KCNN2: variants seen among roughly 807,000 people sequenced by gnomAD.
KCNN2 encodes the protein potassium calcium-activated channel subfamily N member 2.
In KCNN2, 24 loss-of-function variants were observed where a neutral mutation model predicts 55.5. The ratio of observed to expected loss-of-function variants is 0.43; its 90% confidence interval spans 0.31 to 0.61. KCNN2 has a LOEUF of 0.61. Among genes scored for constraint, KCNN2 ranks in the 20% least tolerant of loss-of-function variants. KCNN2 has a pLI of 0.08. For missense variants in KCNN2, 754 were observed against 853.6 expected (o/e 0.88, Z 1.45); for synonymous variants, 431 against 336.1 (o/e 1.28, Z -3.09).
chr5:114,124,463 G>T (rs1751891325), intron 1 of KCNN2, among the ~76,000 whole-genome samples: 1 of 152,122 alleles, frequency 6.6e-6, no homozygotes, highest in Non-Finnish European at 1.5e-5. Context: ...CAAAAACCAT[G>T]ATCTGCCCCC....
chr5:114,420,005 A>G (rs1412286116), intron 3 of KCNN2, among the ~76,000 whole-genome samples: 1 of 152,236 alleles, frequency 6.6e-6, no homozygotes, highest in Non-Finnish European at 1.5e-5. Context: ...CTCAAAACAA[A>G]GCTACCTTCT....
chr5:114,419,157 A>G (rs753593489), intron 3 of KCNN2, among the ~76,000 whole-genome samples: 1 of 152,276 alleles, frequency 6.6e-6, no homozygotes, highest in East Asian at 1.9e-4. Context: ...AATATTCTTT[A>G]TTAGTGTGGT....
intron 2 of KCNN2, among the ~76,000 whole-genome samples, chr5:114,263,060 A>G (rs907349240): frequency 6.6e-6 from 1 of 152,170 alleles, no homozygotes; most frequent in Admixed American, 6.5e-5. Context: ...GGACAACTGG[A>G]TCGAGGCCTG....
chr5:114,423,621 T>C (rs1298982577), intron 3 of KCNN2, among the ~76,000 whole-genome samples: 11 of 152,200 alleles, frequency 7.2e-5, no homozygotes, highest in Admixed American at 3.3e-4. Context: ...TATATTGGCA[T>C]TTCTTCTTGG....
In KCNN2 at chr5:114,451,712, T is replaced by A. The variant is rs577503307; in HGVS notation, c.1638-11337T>A. 5.9e-5 allele frequency among the ~76,000 whole-genome samples: 9 copies of A among 152,130 alleles called. No homozygotes were observed. The East Asian group carries it at 9.7e-4, about 16-fold the overall frequency. On this transcript the variant is annotated intron_variant, in intron 3 of 7. Transcript: ENST00000673685. ...GAGATCAAGACCATCCTGCCTAACA[T>A]GGTGAAACCCCATCTCTACTAAAAA...
chr5:114,429,866 A>G (rs1371717383), intron 3 of KCNN2, among the ~76,000 whole-genome samples: 1 of 115,218 alleles, frequency 8.7e-6, no homozygotes, highest in Non-Finnish European at 1.7e-5. Flanking sequence ...CTGTTGTTCT[A>G]GCATCATTTG....
chr5:114,204,990 C>T (rs1753740835), intron 1 of KCNN2, among the ~76,000 whole-genome samples: 1 of 152,150 alleles, frequency 6.6e-6, no homozygotes, highest in African/African-American at 2.4e-5. Context: ...GCTAAGAGAA[C>T]ATAGCATCTA....
chr5:114,459,343 T>C (rs948440222), intron 3 of KCNN2, among the ~76,000 whole-genome samples: 5 of 152,236 alleles, frequency 3.3e-5, no homozygotes, highest in African/African-American at 1.2e-4. Flanking sequence ...GTACAAATCA[T>C]TTCTTCATGC....
At position 114,228,410 on chromosome 5, in the gene KCNN2, A is replaced by G. The variant is rs560535975; in HGVS notation, c.-185+6845A>G. Among the ~76,000 whole-genome samples the G allele has an allele frequency of 5.3e-5, 8 of 152,224 alleles. No individual in the cohort carries two copies. The East Asian group carries it at 1.5e-3, about 29-fold the overall frequency. On this transcript the variant is annotated intron_variant, in intron 2 of 10. Transcript: ENST00000512097. ...AGTTTCACAACTGCATTTCAAATTT[A>G]AAAATATTGTCAACCAAACAGATTT...
intron 5 of KCNN2, among the ~76,000 whole-genome samples, chr5:114,482,061 C>T (rs1215859011): frequency 6.6e-6 from 1 of 152,066 alleles, no homozygotes; most frequent in East Asian, 1.9e-4. Context: ...AGTTTCTGCA[C>T]AGCAAAAGAA....
intron 2 of KCNN2, among the ~76,000 whole-genome samples, chr5:114,319,349 G>A (rs931334100): frequency 9.2e-5 from 14 of 152,232 alleles, no homozygotes; most frequent in Non-Finnish European, 1.8e-4. Flanking sequence ...GACAGAGAAA[G>A]CAGAAGCTAC....
At chr5:114,251,083 G>A (rs1205654484) in intron 2 of KCNN2, among the ~76,000 whole-genome samples, 1 of 152,168 alleles carries the variant, frequency 6.6e-6, no homozygotes, top group East Asian at 1.9e-4. Flanking sequence ...TCCTGGTAAT[G>A]CGGTACATTG....
intron 3 of KCNN2, among the ~76,000 whole-genome samples, chr5:114,460,359 C>T (rs1761134382): frequency 6.6e-6 from 1 of 152,156 alleles, no homozygotes. Context: ...TCCCCTCCCT[C>T]AGCCTCCCAA....
chr5:114,270,883 G>A (rs557251795), intron 2 of KCNN2, among the ~76,000 whole-genome samples: 10 of 152,202 alleles, frequency 6.6e-5, no homozygotes, highest in South Asian at 2.1e-4. Context: ...TTCTTCCTTC[G>A]GGTGGGTTCG....
At chr5:114,439,206 T>C (rs1290200705) in intron 3 of KCNN2, among the ~76,000 whole-genome samples, 2 of 152,152 alleles carry the variant, frequency 1.3e-5, no homozygotes, top group Admixed American at 1.3e-4. Context: ...TGAAAACATA[T>C]CAGCAGAAAT....
At chr5:114,202,855 G>A (rs1378906966) in intron 1 of KCNN2, among the ~76,000 whole-genome samples, 3 of 151,914 alleles carry the variant, frequency 2.0e-5, no homozygotes. Flanking sequence ...CAAAGTTCTG[G>A]GATTACAGGC....
At position 114,430,694 on chromosome 5, in the gene KCNN2, C is replaced by T. The variant is rs1326836430; in HGVS notation, c.1637+25838C>T. ...ATCTTACCAGGAAAGCACCTAGTTT[C>T]TTAAGTGTGATATTAACTGTAATTA... On this transcript the variant is annotated intron_variant, in intron 3 of 7. Coordinates refer to ENST00000673685, the MANE Select transcript of KCNN2 (RefSeq NM_021614.4). Among the ~76,000 whole-genome samples, 4 of 152,014 alleles carry T rather than the reference C, an allele frequency of 2.6e-5. No homozygotes were observed. The South Asian group carries it at 8.3e-4, about 31-fold the overall frequency.
chr5:114,443,313 G>GAA (rs998668927), intron 3 of KCNN2, among the ~76,000 whole-genome samples: 2 of 131,330 alleles, frequency 1.5e-5, no homozygotes, highest in African/African-American at 2.8e-5. Context: ...AAAGAAAAAA[G>GAA]AAAAAAAAAA....
Position 114,362,916 on chromosome 5 carries a change from C to A in KCNN2, c.777C>A (p.Ser259=). The A allele has an allele frequency of 6.3e-7, 1 of 1,583,448 alleles. No homozygotes were observed. The highest frequency in any genetic ancestry group is 8.5e-7 in the Non-Finnish European group (1 of 1,173,960). Residue 259 remains serine (S), a synonymous_variant, in exon 1 of 8, where the codon TCC becomes TCA. Coordinates refer to ENST00000673685, the MANE Select transcript of KCNN2 (RefSeq NM_021614.4). ...CTGTCGGAGGAGGTGGCGGCGCGTCCTCCCCGTCTGCAGCCGCTGCCGCCG... is the reference window on the plus strand; with the variant it reads ...CTGTCGGAGGAGGTGGCGGCGCGTCATCCCCGTCTGCAGCCGCTGCCGCCG... The part of the protein sequence containing the change: ...PASVGGGGGA[S]SPSAAAAAAA...
Sources: allele counts gnomAD v4.1 joint callset (sites outside exome capture counted in the v4.1 genomes callset), GRCh38; gene constraint gnomAD v4.1.1; transcripts MANE v1.5; gene names NCBI Gene and HGNC (gene_info 2026-07-23, HGNC 2026-07-21).